HS3ST4: variants seen among roughly 807,000 people sequenced by gnomAD.
The protein encoded by HS3ST4 is heparan sulfate glucosamine 3-O-sulfotransferase 4.
HS3ST4 carries 17 observed loss-of-function variants against 29.2 expected under a neutral mutation model. The observed-to-expected ratio is 0.58, with a 90% CI of 0.40 to 0.87. The LOEUF (loss-of-function observed/expected upper bound fraction) is 0.87. Ranked by LOEUF, HS3ST4 falls within the 40% of genes least tolerant of loss-of-function variation. HS3ST4 has a pLI of 0.00. For missense variants in HS3ST4, 627 were observed against 634.5 expected (o/e 0.99, Z 0.13); for synonymous variants, 314 against 285.7 (o/e 1.10, Z -1.00).
At chr16:26,067,725 A>T (rs115458864) in intron 1 of HS3ST4, among the ~76,000 whole-genome samples, 1,554 of 152,286 alleles carry the variant, frequency 0.01, 24 homozygotes, top group African/African-American at 0.036. Context: ...CTGGAACTGT[A>T]GCTCCCATAA....
intron 1 of HS3ST4, among the ~76,000 whole-genome samples, chr16:26,000,980 G>A (rs896015703): frequency 6.6e-6 from 1 of 152,124 alleles, no homozygotes; most frequent in Admixed American, 6.6e-5. Flanking sequence ...TTGTGGAAAT[G>A]TTCCAGATTA....
At chr16:25,873,658 GTCCATCCA>G (rs748088571) in intron 1 of HS3ST4, among the ~76,000 whole-genome samples, 7,262 of 84,462 alleles carry the variant, frequency 0.086, 229 homozygotes, top group African/African-American at 0.16. Context: ...CCATCCGTCC[GTCCATCCA>G]TCCATCCATC....
At chr16:25,741,401 G>A (rs1034676025) in intron 1 of HS3ST4, among the ~76,000 whole-genome samples, 1 of 144,296 alleles carries the variant, frequency 6.9e-6, no homozygotes, top group Non-Finnish European at 1.6e-5. Context: ...GGCGGGGGGA[G>A]GAGGGGAGGC....
chr16:25,997,747 G>C (rs574625281), intron 1 of HS3ST4, among the ~76,000 whole-genome samples: 1 of 152,228 alleles, frequency 6.6e-6, no homozygotes, highest in South Asian at 2.1e-4. Flanking sequence ...GACTGTGATT[G>C]GACCTTCCTG....
chr16:25,705,090 A>C (rs2881210), intron 1 of HS3ST4, among the ~76,000 whole-genome samples: 41,711 of 151,998 alleles, frequency 0.27, 5,982 homozygotes, highest in South Asian at 0.44. Context: ...ACGGATTATT[A>C]CTGATAGATC....
intron 1 of HS3ST4, among the ~76,000 whole-genome samples, chr16:25,951,254 T>C (rs116215758): frequency 6.6e-6 from 1 of 152,222 alleles, no homozygotes; most frequent in African/African-American, 2.4e-5. Flanking sequence ...CCACTGCCAG[T>C]TTTTCCAGAG....
At chr16:26,014,822 C>G (rs1432620454) in intron 1 of HS3ST4, among the ~76,000 whole-genome samples, 1 of 152,134 alleles carries the variant, frequency 6.6e-6, no homozygotes, top group Admixed American at 6.5e-5. Context: ...ACTGAAGTGA[C>G]TTTACCATCA....
At chr16:25,999,897 T>TTATATATATTATATATATAATTTTA (rs1555477425) in intron 1 of HS3ST4, among the ~76,000 whole-genome samples, 1 of 131,882 alleles carries the variant, frequency 7.6e-6, no homozygotes, top group Non-Finnish European at 1.6e-5. Context: ...TATATATATT[T>TTATATATATTATATATATAATTTTA]TATATATATA....
chr16:25,768,001 A>G (rs1054890581), intron 1 of HS3ST4, among the ~76,000 whole-genome samples: 2 of 152,064 alleles, frequency 1.3e-5, no homozygotes, highest in African/African-American at 4.8e-5. Context: ...CATGGTGGAG[A>G]TGAGAAATTT....
At chr16:25,916,035 C>G (rs1968290049) in intron 1 of HS3ST4, among the ~76,000 whole-genome samples, 1 of 152,152 alleles carries the variant, frequency 6.6e-6, no homozygotes, top group African/African-American at 2.4e-5. Context: ...TTACTTGCTT[C>G]AGACATGGAG....
At position 26,137,067 on chromosome 16, in the gene HS3ST4, G is replaced by A. The variant is rs1279423447; in HGVS notation, c.*819G>A. ...AAAGAGTAGAGTAATTGTAACCGAG[G>A]TCAGAGCTCTGGGGTTGGCAGAGAT... On this transcript the variant is annotated 3_prime_UTR_variant, in exon 2 of 2. Coordinates refer to ENST00000331351, the MANE Select transcript of HS3ST4 (RefSeq NM_006040.3). 1 of 152,082 alleles carries A rather than the reference G, an allele frequency of 6.6e-6. No homozygotes were observed. The highest frequency in any genetic ancestry group is 1.5e-5 in the Non-Finnish European group (1 of 68,078). The allele number at this position is 152,082 out of a possible 1,614,324, so 9.4% of individuals were successfully genotyped here. A position where few individuals can be genotyped will look rare whatever the true frequency, so the allele number is the denominator to read the frequency against.
intron 1 of HS3ST4, among the ~76,000 whole-genome samples, chr16:26,128,668 G>A (rs777357782): frequency 6.6e-6 from 1 of 152,226 alleles, no homozygotes; most frequent in South Asian, 2.1e-4. Context: ...GGCAGGGCAA[G>A]GTCTTGGCTA....
At chr16:25,837,075 G>T (rs371849909) in intron 1 of HS3ST4, among the ~76,000 whole-genome samples, 4 of 152,210 alleles carry the variant, frequency 2.6e-5, no homozygotes, top group South Asian at 4.1e-4. Context: ...TTTCCAATCC[G>T]CAGTTCATGG....
chr16:25,865,166 G>A (rs1967682053), intron 1 of HS3ST4, among the ~76,000 whole-genome samples: 1 of 152,174 alleles, frequency 6.6e-6, no homozygotes, highest in Admixed American at 6.5e-5. Flanking sequence ...ATGCCCAGAA[G>A]TGAGATTGCT....
In HS3ST4 at chr16:26,112,735, A is replaced by T. The variant is rs571998538; in HGVS notation, c.735-22877A>T. ...AACAAGCAGATGATATAGATATTTC[A>T]CCCATGAGGACACACAAATTACCAA... On this transcript the variant is annotated intron_variant, in intron 1 of 1. Transcript: ENST00000331351. Among the ~76,000 whole-genome samples, 3 of 152,298 alleles carry T rather than the reference A, an allele frequency of 2.0e-5. No homozygotes were observed. The South Asian group carries it at 6.2e-4, about 32-fold the overall frequency.
At chr16:25,976,874 G>T (rs1596632924) in intron 1 of HS3ST4, among the ~76,000 whole-genome samples, 1 of 152,304 alleles carries the variant, frequency 6.6e-6, no homozygotes, top group African/African-American at 2.4e-5. Context: ...AAATGAGGGG[G>T]TGTAGCTGTG....
At chr16:25,920,607 T>G (rs945656218) in intron 1 of HS3ST4, among the ~76,000 whole-genome samples, 1 of 105,074 alleles carries the variant, frequency 9.5e-6, no homozygotes, top group South Asian at 3.4e-4. Flanking sequence ...CCCCCACCCC[T>G]CTTTTTTTTT....
rs899401473 is a variant in HS3ST4 at position 25,842,701 on chromosome 16, T to A, written c.734+149550T>A. ...GGAACTTCAGGGACCAATAGCTATT[T>A]TGAACTCAAGAGGCTTAGTACCCCT... On this transcript the variant is annotated intron_variant, in intron 1 of 1. Transcript: ENST00000331351. Among the ~76,000 whole-genome samples the A allele has an allele frequency of 2.0e-5, 3 of 152,198 alleles. No homozygotes were observed. The East Asian group carries it at 5.8e-4, about 29-fold the overall frequency.
chr16:25,981,057 A>T (rs369144685), intron 1 of HS3ST4, among the ~76,000 whole-genome samples: 10 of 152,210 alleles, frequency 6.6e-5, no homozygotes, highest in African/African-American at 2.4e-4. Context: ...TGAGGGTTCC[A>T]TAAAGAAGGT....
Sources: allele counts gnomAD v4.1 joint callset (sites outside exome capture counted in the v4.1 genomes callset), GRCh38; gene constraint gnomAD v4.1.1; transcripts MANE v1.5; gene names NCBI Gene and HGNC (gene_info 2026-07-23, HGNC 2026-07-21).